The following LRRC7 variants were observed in gnomAD, a reference collection of about 807,000 sequenced individuals.
LRRC7 encodes leucine rich repeat containing 7.
A neutral mutation model predicts 175.7 loss-of-function variants in LRRC7; 23 were observed. The observed-to-expected ratio is 0.13, with a 90% CI of 0.09 to 0.19. The LOEUF (loss-of-function observed/expected upper bound fraction) is 0.19, where lower values mean the gene tolerates loss of function less well. LRRC7 is among the 10% of genes least tolerant of loss of function. The probability of loss-of-function intolerance (pLI) is 1.00; values close to 1 mark genes in which losing one functional copy is unlikely to be tolerated. For missense variants in LRRC7, 1,354 were observed against 1,904.7 expected (o/e 0.71, Z 5.38); for synonymous variants, 685 against 680.9 (o/e 1.01, Z -0.09).
chr1:69,898,662 ACTGCTGCTGCTG>A (rs35234345), intron 7 of LRRC7, among the ~76,000 whole-genome samples: 1,895 of 150,872 alleles, frequency 0.013, 33 homozygotes, highest in African/African-American at 0.043. Context: ...TGCTATCATC[ACTGCTGCTGCTG>A]CTGCTGCTGC....
At position 69,635,238 on chromosome 1, in the gene LRRC7, C is replaced by T. The variant is rs563476546; in HGVS notation, c.3-43143C>T. ...TAATGTCCTCCAGCTCCATCCATGT[C>T]CCTGCAAAGAACATGATCTCATTCT... On this transcript the variant is annotated intron_variant, in intron 1 of 26. Coordinates refer to ENST00000651989, the MANE Select transcript of LRRC7 (RefSeq NM_001370785.2). 1.4e-3 allele frequency among the ~76,000 whole-genome samples: 207 copies of T among 152,184 alleles called. 1 individual carries two copies. The highest frequency in any genetic ancestry group is 1.7e-3 in the Non-Finnish European group (117 of 67,994).
intron 4 of LRRC7, among the ~76,000 whole-genome samples, chr1:69,802,852 C>T (rs1056007858): frequency 6.6e-6 from 1 of 151,202 alleles, no homozygotes; most frequent in East Asian, 1.9e-4. Context: ...TTAAGAAAAT[C>T]TTCCCTACTC....
At chr1:69,662,710 T>G (rs1657659402) in intron 1 of LRRC7, among the ~76,000 whole-genome samples, 1 of 152,254 alleles carries the variant, frequency 6.6e-6, no homozygotes, top group Admixed American at 6.5e-5. Flanking sequence ...TAATTGGGTA[T>G]CGATTATTTT....
At chr1:70,026,981 T>C (rs1289531496) in intron 17 of LRRC7, among the ~76,000 whole-genome samples, 1 of 152,108 alleles carries the variant, frequency 6.6e-6, no homozygotes, top group Admixed American at 6.6e-5. Context: ...TCATAGTTTC[T>C]TACATCCCAT....
At chr1:69,630,478 CT>C (rs1652310149) in intron 1 of LRRC7, among the ~76,000 whole-genome samples, 1 of 152,104 alleles carries the variant, frequency 6.6e-6, no homozygotes, top group African/African-American at 2.4e-5. Flanking sequence ...TCCAGTTTAC[CT>C]ATACTTGCTA....
chr1:69,665,844 G>A (rs1658184406), intron 1 of LRRC7, among the ~76,000 whole-genome samples: 1 of 151,930 alleles, frequency 6.6e-6, no homozygotes, highest in African/African-American at 2.4e-5. Context: ...GCCCTATCTA[G>A]AAATTCCAGA....
chr1:69,925,543 C>T lies in LRRC7; in HGVS notation c.648-5964C>T, dbSNP rs576960870. Among the ~76,000 whole-genome samples, 47 of 152,062 alleles carry T rather than the reference C, an allele frequency of 3.1e-4. 1 individual carries two copies. Among genetic ancestry groups the T allele is most frequent in the Middle Eastern group, 3.4e-3 (1 of 294 alleles). ...TTTAGTCTTGGGAGGGTGTATGTGT[C>T]GAGGAATTTCTCCATTTCTTCTAGA... is the stretch of plus-strand genomic sequence containing the variant. On this transcript the variant is annotated intron_variant, in intron 7 of 26. Transcript: ENST00000651989.
At chr1:70,016,556 T>C (rs746717859) in intron 14 of LRRC7, 22 bp downstream of exon 14, 9 of 1,523,158 alleles carry the variant, frequency 5.9e-6, no homozygotes, top group Non-Finnish European at 7.1e-6. Context: ...TATTGCCTGA[T>C]TTATTTATTA....
chr1:69,905,622 G>A (rs1646279709), intron 7 of LRRC7, among the ~76,000 whole-genome samples: 1 of 152,182 alleles, frequency 6.6e-6, no homozygotes, highest in Non-Finnish European at 1.5e-5. Context: ...ATTCCGTGGT[G>A]TATATGTGCC....
At chr1:69,857,532 A>G (rs1254696576) in intron 7 of LRRC7, among the ~76,000 whole-genome samples, 1 of 152,100 alleles carries the variant, frequency 6.6e-6, no homozygotes, top group Non-Finnish European at 1.5e-5. Flanking sequence ...AGAATAAAAT[A>G]CCTAGGAATC....
chr1:70,010,005 A>T (rs1372302788), intron 11 of LRRC7, among the ~76,000 whole-genome samples: 1 of 152,112 alleles, frequency 6.6e-6, no homozygotes, highest in East Asian at 1.9e-4. Flanking sequence ...CCAGCCCCTC[A>T]GTCACTGATT....
intron 7 of LRRC7, among the ~76,000 whole-genome samples, chr1:69,858,896 G>T (rs1364319381): frequency 3.3e-5 from 5 of 152,024 alleles, no homozygotes; most frequent in East Asian, 1.9e-4. Flanking sequence ...AGACAAAGAA[G>T]TCATTACATA....
intron 8 of LRRC7, among the ~76,000 whole-genome samples, chr1:69,937,367 G>A (rs1370396720): frequency 6.6e-6 from 1 of 151,908 alleles, no homozygotes; most frequent in African/African-American, 2.4e-5. Flanking sequence ...AGAAAATTTA[G>A]CATGAACAAG....
chr1:69,905,268 T>TTAG (rs1218605298), intron 7 of LRRC7, among the ~76,000 whole-genome samples: 1 of 151,696 alleles, frequency 6.6e-6, no homozygotes, highest in Non-Finnish European at 1.5e-5. Flanking sequence ...ATTATTATTA[T>TTAG]TATTATACTT....
intron 4 of LRRC7, among the ~76,000 whole-genome samples, chr1:69,823,419 C>A (rs1351647372): frequency 1.3e-5 from 2 of 152,038 alleles, no homozygotes; most frequent in Non-Finnish European, 2.9e-5. Context: ...TGAGTTAGAA[C>A]ATCAATTTAA....
intron 1 of LRRC7, among the ~76,000 whole-genome samples, chr1:69,656,747 G>C (rs926165018): frequency 2.0e-5 from 3 of 151,932 alleles, no homozygotes; most frequent in Admixed American, 2.0e-4. Context: ...CCCTCAAGGA[G>C]TTAATAGTCT....
Position 69,568,594 on chromosome 1 carries a change from A to G in LRRC7, c.-46A>G. 1 of 1,349,616 alleles carries G rather than the reference A, an allele frequency of 7.4e-7. No individual in the cohort carries two copies. Among genetic ancestry groups the G allele is most frequent in the South Asian group, 1.2e-5 (1 of 84,926 alleles). 83.6% of individuals were successfully genotyped at this position (1,349,616 alleles called of 1,614,324 possible). A position where few individuals can be genotyped will look rare whatever the true frequency, so the allele number is the denominator to read the frequency against. On this transcript the variant is annotated 5_prime_UTR_variant, in exon 1 of 27. Coordinates refer to ENST00000651989, the MANE Select transcript of LRRC7 (RefSeq NM_001370785.2). Reference sequence around the variant, plus strand: ...TTAAGGAATAACCCTTGGCAGCTGCACGACTACGCTCTCCGAAACCTCATG... The same window carrying G: ...TTAAGGAATAACCCTTGGCAGCTGCGCGACTACGCTCTCCGAAACCTCATG...
chr1:69,820,661 TTCATCCATGTCCCTGCAAAGGACATGAAC>T (rs1679176761), intron 4 of LRRC7, among the ~76,000 whole-genome samples: 1 of 152,150 alleles, frequency 6.6e-6, no homozygotes. Flanking sequence ...GGTTTCCAGC[TTCATCCATGTCCCTGCAAAGGACATGAAC>T]TCATCCTTTT....
chr1:69,703,118 T>C (rs555026515), intron 2 of LRRC7, among the ~76,000 whole-genome samples: 1 of 152,054 alleles, frequency 6.6e-6, no homozygotes, highest in Non-Finnish European at 1.5e-5. Flanking sequence ...CAGTAAAATT[T>C]TTATGAATTT....
Sources: gnomAD v4.1 joint callset for allele counts (sites outside exome capture counted in the v4.1 genomes callset) on GRCh38, gnomAD v4.1.1 for gene constraint, MANE v1.5 for transcripts, NCBI Gene and HGNC (gene_info 2026-07-23, HGNC 2026-07-21) for gene names.